The following IL1RAPL2 variants were observed in gnomAD, a reference collection of about 807,000 sequenced individuals.
IL1RAPL2 encodes the protein X-linked interleukin-1 receptor accessory protein-like 2.
IL1RAPL2 carries 3 observed loss-of-function variants against 44.1 expected under a neutral mutation model. The ratio of observed to expected loss-of-function variants is 0.07; its 90% CI spans 0.03 to 0.18. IL1RAPL2 has a LOEUF of 0.18. Among genes scored for constraint, IL1RAPL2 ranks in the 10% least tolerant of loss-of-function variants. The pLI, the probability that IL1RAPL2 is intolerant of heterozygous loss-of-function variation, is 1.00. For missense variants in IL1RAPL2, 391 were observed against 496.4 expected (o/e 0.79, Z 2.02); for synonymous variants, 181 against 178.8 (o/e 1.01, Z -0.10).
chrX:105,166,302 A>G (rs2033371379), intron 2 of IL1RAPL2, among the ~76,000 whole-genome samples: 1 of 111,429 alleles, frequency 9.0e-6, no homozygotes, highest in Non-Finnish European at 1.9e-5. Context: ...CCTGACGTAT[A>G]GGTGCTCGAT....
At chrX:105,569,895 G>T (rs1171626720) in intron 6 of IL1RAPL2, among the ~76,000 whole-genome samples, 1 of 111,559 alleles carries the variant, frequency 9.0e-6, no homozygotes, top group African/African-American at 3.3e-5. Flanking sequence ...AATACTTTGT[G>T]ACCACTCTCA....
intron 5 of IL1RAPL2, among the ~76,000 whole-genome samples, chrX:105,287,125 G>A (rs1311577851): frequency 9.0e-6 from 1 of 111,602 alleles, no homozygotes; most frequent in Non-Finnish European, 1.9e-5. Context: ...TTGCTATGGC[G>A]GAAAGAAATG....
At chrX:105,202,840 A>G (rs1556147702) in intron 3 of IL1RAPL2, among the ~76,000 whole-genome samples, 1 of 112,064 alleles carries the variant, frequency 8.9e-6, no homozygotes, top group Non-Finnish European at 1.9e-5. Flanking sequence ...TTGCAGCTAA[A>G]CTTGGCTGAA....
At chrX:105,420,349 A>G (rs986320939) in intron 5 of IL1RAPL2, among the ~76,000 whole-genome samples, 1 of 111,841 alleles carries the variant, frequency 8.9e-6, no homozygotes, top group African/African-American at 3.3e-5. Flanking sequence ...CAAAAACCTT[A>G]AAATGTGGCT....
intron 5 of IL1RAPL2, among the ~76,000 whole-genome samples, chrX:105,347,245 A>G (rs774541193): frequency 8.9e-6 from 1 of 111,742 alleles, no homozygotes; most frequent in Non-Finnish European, 1.9e-5. Flanking sequence ...AGCCAATTGC[A>G]CACATACTAT....
chrX:104,644,067 C>G (rs1056473819), intron 1 of IL1RAPL2, among the ~76,000 whole-genome samples: 1 of 111,290 alleles, frequency 9.0e-6, no homozygotes, highest in Non-Finnish European at 1.9e-5. Context: ...CCACGCAATT[C>G]TTGTTGAAAA....
rs778998703 is a variant in IL1RAPL2 at position 104,750,871 on chromosome X, C to T, written c.82+91876C>T. Among the ~76,000 whole-genome samples the T allele has an allele frequency of 3.8e-4, 42 of 109,856 alleles. No homozygotes were observed. The Middle Eastern group carries it at 0.023, about 60-fold the overall frequency. ...TGTGCTTATCACAGTTTTTAAAAAC[C>T]CAAATTAAAAAAAAACCCAAATAGT... On this transcript the variant is annotated intron_variant, in intron 2 of 10. Transcript: ENST00000372582.
intron 2 of IL1RAPL2, among the ~76,000 whole-genome samples, chrX:104,737,648 G>A (rs1281065846): frequency 9.0e-6 from 1 of 111,709 alleles, no homozygotes; most frequent in Non-Finnish European, 1.9e-5. Context: ...TGCCTGGCAA[G>A]GTAAACATTC....
At chrX:104,895,742 C>G (rs1038987262) in intron 2 of IL1RAPL2, among the ~76,000 whole-genome samples, 1 of 111,985 alleles carries the variant, frequency 8.9e-6, no homozygotes, top group South Asian at 3.7e-4. Flanking sequence ...CCAGGTAAGG[C>G]AGTGCCTCAC....
rs1328684336 is a variant in IL1RAPL2, at chrX:105,459,841, C to G, written c.698-24472C>G. Among the ~76,000 whole-genome samples, 4 of 111,403 alleles carry G rather than the reference C, an allele frequency of 3.6e-5. No individual in the cohort carries two copies. The Admixed American group carries it at 3.9e-4, about 11-fold the overall frequency. On this transcript the variant is annotated intron_variant, in intron 5 of 10. Coordinates refer to ENST00000372582, the MANE Select transcript of IL1RAPL2 (RefSeq NM_017416.2). Reference sequence around the variant, plus strand: ...TGGGATCATTATCCAAACCAAGCATCAAAATTCACAATTATATGAAAAATA... The same window carrying G: ...TGGGATCATTATCCAAACCAAGCATGAAAATTCACAATTATATGAAAAATA...
At chrX:104,884,604 G>A (rs1923178987) in intron 2 of IL1RAPL2, among the ~76,000 whole-genome samples, 1 of 111,370 alleles carries the variant, frequency 9.0e-6, no homozygotes, top group Non-Finnish European at 1.9e-5. Context: ...CTATGGCCTG[G>A]CCCCAATATT....
At chrX:104,697,515 A>G (rs1049809588) in intron 2 of IL1RAPL2, among the ~76,000 whole-genome samples, 15 of 112,210 alleles carry the variant, frequency 1.3e-4, no homozygotes, top group African/African-American at 4.9e-4. Flanking sequence ...ACATTTCACA[A>G]AACACATGGT....
At chrX:105,503,285 G>A (rs182555559) in intron 6 of IL1RAPL2, among the ~76,000 whole-genome samples, 6 of 111,305 alleles carry the variant, frequency 5.4e-5, no homozygotes, top group Non-Finnish European at 1.1e-4. Context: ...GTAATGAAAG[G>A]AGCAGAATTT....
intron 1 of IL1RAPL2, among the ~76,000 whole-genome samples, chrX:104,605,930 A>C (rs760312350): frequency 4.5e-4 from 50 of 112,039 alleles, no homozygotes; most frequent in Non-Finnish European, 7.5e-5. Context: ...AACTATTCCA[A>C]TCAATAGAAA....
At chrX:105,057,271 G>A (rs1431657342) in intron 2 of IL1RAPL2, among the ~76,000 whole-genome samples, 2 of 111,898 alleles carry the variant, frequency 1.8e-5, no homozygotes, top group African/African-American at 6.5e-5. Context: ...ATTAATTGGA[G>A]GAAGTGAAAT....
chrX:104,848,451 A>ATATATATATAT (rs1922126425), intron 2 of IL1RAPL2, among the ~76,000 whole-genome samples: 3 of 79,812 alleles, frequency 3.8e-5, no homozygotes, highest in Non-Finnish European at 7.3e-5. Context: ...ATATATATAT[A>ATATATATATAT]ACTTAAACAA....
intron 2 of IL1RAPL2, among the ~76,000 whole-genome samples, chrX:104,892,666 A>G (rs958473983): frequency 1.8e-5 from 2 of 111,599 alleles, no homozygotes; most frequent in African/African-American, 6.5e-5. Flanking sequence ...TATTGCATCT[A>G]TCTGATTCTT....
At chrX:105,758,395 G>A (rs927351145) in intron 10 of IL1RAPL2, among the ~76,000 whole-genome samples, 8 of 103,735 alleles carry the variant, frequency 7.7e-5, no homozygotes, top group African/African-American at 2.7e-4. Flanking sequence ...ACACAGTTTC[G>A]AAAGTACATG....
intron 6 of IL1RAPL2, among the ~76,000 whole-genome samples, chrX:105,523,119 T>C (rs1280950395): frequency 1.8e-5 from 2 of 111,805 alleles, no homozygotes; most frequent in Non-Finnish European, 3.8e-5. Context: ...CTGATCTTGT[T>C]TAGTCTTCCC....
Sources: gnomAD v4.1 joint callset for allele counts (sites outside exome capture counted in the v4.1 genomes callset) on GRCh38, gnomAD v4.1.1 for gene constraint, MANE v1.5 for transcripts, NCBI Gene and HGNC (gene_info 2026-07-23, HGNC 2026-07-21) for gene names.